ZNF214: variants seen among roughly 807,000 people sequenced by gnomAD.
The protein encoded by ZNF214 is BWSCR2-associated zinc finger protein 1.
In ZNF214, 43 loss-of-function variants were observed where a neutral mutation model predicts 53.9. The ratio of observed to expected loss-of-function variants is 0.80; its 90% CI spans 0.63 to 1.03. The LOEUF (loss-of-function observed/expected upper bound fraction) is 1.03. Ranked by LOEUF, ZNF214 falls within the 50% of genes least tolerant of loss-of-function variation. The pLI is 0.00. For synonymous variants in ZNF214, 217 were observed against 229.5 expected, an observed-to-expected ratio of 0.95 and a Z score of 0.49; for missense variants, 724 against 719.1, an observed-to-expected ratio of 1.01 and a Z score of -0.08.
In ZNF214 at chr11:6,999,670, T is replaced by C; in HGVS notation, c.*192A>G. 1 of 514,406 alleles carries C rather than the reference T, an allele frequency of 1.9e-6. No individual in the cohort carries two copies. The highest frequency in any genetic ancestry group is 3.2e-6 in the Non-Finnish European group (1 of 310,446). The allele number at this position is 514,406 out of a possible 1,614,324, so 31.9% of individuals were successfully genotyped here. A position where few individuals can be genotyped will look rare whatever the true frequency, so the allele number is the denominator to read the frequency against. On this transcript the variant is annotated 3_prime_UTR_variant, in exon 3 of 3. Coordinates refer to ENST00000278314, the MANE Select transcript of ZNF214 (RefSeq NM_013249.4). ...ATAGTAGGTAAAGAAAAATACACTA[T>C]AATTTTAAATATATAGGGTTTTTTC...
intron 2 of ZNF214, among the ~76,000 whole-genome samples, chr11:7,002,124 C>G (rs192609286): frequency 6.6e-6 from 1 of 152,018 alleles, no homozygotes; most frequent in East Asian, 1.9e-4. Context: ...TGCCCTCTCT[C>G]GATGCTTTTG....
chr11:7,014,901 AGTCT>A (rs965199899), intron 1 of ZNF214, among the ~76,000 whole-genome samples: 2 of 151,786 alleles, frequency 1.3e-5, no homozygotes, highest in African/African-American at 4.8e-5. Context: ...GAGAGAAAGC[AGTCT>A]GTCTTAAAAA....
At chr11:7,011,705 A>C (rs1001149594) in intron 1 of ZNF214, among the ~76,000 whole-genome samples, 1 of 152,146 alleles carries the variant, frequency 6.6e-6, no homozygotes, top group Non-Finnish European at 1.5e-5. Flanking sequence ...AAGAATTAGA[A>C]GCAAAAATAT....
rs1851243945 is a variant in ZNF214 at position 6,998,688 on chromosome 11, C to A, written c.*1174G>T. On this transcript the variant is annotated 3_prime_UTR_variant, in exon 3 of 3. Coordinates refer to ENST00000278314, the MANE Select transcript of ZNF214 (RefSeq NM_013249.4). ...ACTCTATCTTTACTGAGTTCAGATT[C>A]TCTGTTATGCCACTAAGGACACCAA... 6.6e-6 allele frequency among the ~76,000 whole-genome samples: 1 copy of A among 151,852 alleles called. No homozygotes were observed. The highest frequency in any genetic ancestry group is 1.5e-5 in the Non-Finnish European group (1 of 67,894).
intron 1 of ZNF214, among the ~76,000 whole-genome samples, chr11:7,013,097 A>G (rs1481313512): frequency 6.6e-6 from 1 of 152,122 alleles, no homozygotes; most frequent in African/African-American, 2.4e-5. Context: ...GGTCCTTTCA[A>G]GTGGCGGGGG....
intron 1 of ZNF214, among the ~76,000 whole-genome samples, chr11:7,016,365 T>A (rs538131518): frequency 1.3e-5 from 2 of 152,294 alleles, no homozygotes; most frequent in Admixed American, 1.3e-4. Flanking sequence ...CTATATTGAT[T>A]AAACATAATG....
At position 6,997,692 on chromosome 11, in the gene ZNF214, A is replaced by T. The variant is rs138973558; in HGVS notation, c.*2170T>A. 2.7e-3 allele frequency among the ~76,000 whole-genome samples: 403 copies of T among 151,894 alleles called. 2 individuals are homozygous for T. Among genetic ancestry groups the T allele is most frequent in the African/African-American group, 9.1e-3 (379 of 41,490 alleles). On this transcript the variant is annotated 3_prime_UTR_variant, in exon 3 of 3. Coordinates refer to ENST00000278314, the MANE Select transcript of ZNF214 (RefSeq NM_013249.4). Reference sequence around the variant, plus strand: ...AATGTGGCACTTATGGTCTCTCTCCAGTTGCCGGATGTAGCAACTAAAAAC... The same window carrying T: ...AATGTGGCACTTATGGTCTCTCTCCTGTTGCCGGATGTAGCAACTAAAAAC...
chr11:7,016,220 C>A (rs997249060), intron 1 of ZNF214, among the ~76,000 whole-genome samples: 1 of 152,140 alleles, frequency 6.6e-6, no homozygotes, highest in African/African-American at 2.4e-5. Context: ...AACAGCCCTA[C>A]ACAGCAGCTG....
intron 1 of ZNF214, among the ~76,000 whole-genome samples, chr11:7,019,247 C>T (rs555241806): frequency 5.3e-5 from 8 of 152,132 alleles, no homozygotes; most frequent in Non-Finnish European, 1.0e-4. Context: ...GCACACATCT[C>T]CTAGCAAGAG....
intron 1 of ZNF214, among the ~76,000 whole-genome samples, chr11:7,013,631 T>C (rs1589844619): frequency 6.6e-6 from 1 of 152,192 alleles, no homozygotes; most frequent in Non-Finnish European, 1.5e-5. Context: ...CTCCGTACAA[T>C]AGCGATGGCC....
chr11:7,006,435 T>C (rs894379829), intron 1 of ZNF214, among the ~76,000 whole-genome samples: 4 of 152,128 alleles, frequency 2.6e-5, no homozygotes, highest in African/African-American at 4.8e-5. Flanking sequence ...AAAATCATTC[T>C]CTATACATCT....
chr11:7,005,130 C>G (rs1451152538), intron 1 of ZNF214, among the ~76,000 whole-genome samples: 3 of 151,150 alleles, frequency 2.0e-5, no homozygotes, highest in Admixed American at 6.6e-5. Context: ...ATGATAATGT[C>G]TATATGATAA....
chr11:7,006,341 A>T (rs1473760811), intron 1 of ZNF214, among the ~76,000 whole-genome samples: 1 of 151,988 alleles, frequency 6.6e-6, no homozygotes, highest in Non-Finnish European at 1.5e-5. Flanking sequence ...TATAAACTTG[A>T]TATCTCTTTT....
rs755327698 is a variant in ZNF214, at chr11:7,000,548, C to A, written c.1135G>T (p.Val379Phe). 1 of 1,612,008 alleles carries A rather than the reference C, an allele frequency of 6.2e-7. No individual in the cohort carries two copies. The highest frequency in any genetic ancestry group is 1.7e-5 in the Admixed American group (1 of 59,774). ...TTATATGGTTTTTCTCCTGTGTGGA[C>A]TCTCTGATGAACATGAAGTACTGAA... ...RSSVLHVHQR[V>F]HTGEKPYKCD... The change falls in exon 3 of 3, where the codon GTC (valine) becomes TTC (phenylalanine). Residue 379 changes from valine (V) to phenylalanine (F), a missense_variant. Transcript: ENST00000278314.
At chr11:7,003,205 T>C (rs1192854409) in intron 1 of ZNF214, among the ~76,000 whole-genome samples, 2 of 152,028 alleles carry the variant, frequency 1.3e-5, no homozygotes, top group African/African-American at 4.8e-5. Context: ...AAAGTAATTA[T>C]TTTAGTGGAA....
chr11:7,007,854 G>C (rs1851509178), intron 1 of ZNF214, among the ~76,000 whole-genome samples: 1 of 103,404 alleles, frequency 9.7e-6, no homozygotes, highest in Admixed American at 9.9e-5. Context: ...GATAGACCAT[G>C]TATTAGTCCA....
chr11:7,016,090 A>G (rs1851757559), intron 1 of ZNF214: 1 of 152,218 alleles, frequency 6.6e-6, no homozygotes, highest in Non-Finnish European at 1.5e-5. Context: ...GACTAAAAAG[A>G]ATTATATCAG....
At chr11:7,014,667 C>A (rs7126582) in intron 1 of ZNF214, among the ~76,000 whole-genome samples, 145,988 of 152,178 alleles carry the variant, frequency 0.96, 70,259 homozygotes, top group East Asian at 1. Flanking sequence ...AGGGCTTTTA[C>A]AAGTATATGC....
rs1449408880 is a variant in ZNF214 at position 6,997,516 on chromosome 11, T to C, written c.*2346A>G. On this transcript the variant is annotated 3_prime_UTR_variant, in exon 3 of 3. Coordinates refer to ENST00000278314, the MANE Select transcript of ZNF214 (RefSeq NM_013249.4). ...CTACAGAGACTGAATAATTTTTGCT[T>C]TTATCTTCTCCCATTTTGAAAGGTA... Among the ~76,000 whole-genome samples the C allele has an allele frequency of 2.0e-5, 3 of 151,734 alleles. No individual in the cohort carries two copies. Among genetic ancestry groups the C allele is most frequent in the African/African-American group, 4.8e-5 (2 of 41,354 alleles).
Sources: gnomAD v4.1 joint callset for allele counts (sites outside exome capture counted in the v4.1 genomes callset) on GRCh38, gnomAD v4.1.1 for gene constraint, MANE v1.5 for transcripts, NCBI Gene and HGNC (gene_info 2026-07-23, HGNC 2026-07-21) for gene names.